The following USP15 variants were observed in gnomAD, a reference collection of about 807,000 sequenced individuals.
The protein encoded by USP15 is ubiquitin carboxyl-terminal hydrolase 15.
USP15 carries 18 observed loss-of-function variants against 127.1 expected under a neutral mutation model. The observed-to-expected ratio is 0.14, with a 90% CI of 0.10 to 0.21. USP15 has a LOEUF of 0.21. Among genes scored for constraint, USP15 ranks in the 10% least tolerant of loss-of-function variants. USP15 has a pLI of 1.00. For missense variants in USP15, 805 were observed against 1,159.9 expected (o/e 0.69, Z 4.44); for synonymous variants, 364 against 393.7 (o/e 0.92, Z 0.89).
At chr12:62,368,049 C>T (rs1348747725) in intron 8 of USP15, among the ~76,000 whole-genome samples, 1 of 152,096 alleles carries the variant, frequency 6.6e-6, no homozygotes, top group Non-Finnish European at 1.5e-5. Flanking sequence ...TTTATTTCTG[C>T]CTTCATTTCA....
chr12:62,364,318 C>G (rs2137490657), intron 8 of USP15, among the ~76,000 whole-genome samples: 1 of 152,224 alleles, frequency 6.6e-6, no homozygotes, highest in South Asian at 2.1e-4. Context: ...AAGAAGATTG[C>G]TCAGCAGTAT....
intron 18 of USP15, 125 bp downstream of exon 18, chr12:62,392,512 TTA>T: frequency 1.5e-6 from 1 of 676,092 alleles, no homozygotes; most frequent in South Asian, 2.3e-5. Flanking sequence ...AAAGGATTCT[TTA>T]TATAAGTTGT....
Position 62,298,433 on chromosome 12 carries a change from G to A in USP15, c.217+4127G>A, listed in dbSNP as rs146972928. On this transcript the variant is annotated intron_variant, in intron 2 of 21. Coordinates refer to ENST00000280377, the MANE Select transcript of USP15 (RefSeq NM_001252078.2). ...TGTAATCCCAGCACTTTGGGAGGCCGAGGCAGGAGGATCACAAGGTCAAGA... is the reference window on the plus strand; with the variant it reads ...TGTAATCCCAGCACTTTGGGAGGCCAAGGCAGGAGGATCACAAGGTCAAGA... Among the ~76,000 whole-genome samples the A allele has an allele frequency of 3.2e-3, 486 of 152,206 alleles. 1 individual carries two copies. The highest frequency in any genetic ancestry group is 9.9e-3 in the African/African-American group (412 of 41,520).
At chr12:62,294,112 T>C (rs2064057960) in intron 1 of USP15, 67 bp from the exon 2 acceptor site, 1 of 1,520,728 alleles carries the variant, frequency 6.6e-7, no homozygotes, top group Non-Finnish European at 8.9e-7. Flanking sequence ...TATCAAAAAA[T>C]AGATGGCTGT....
chr12:62,384,664 A>G (rs1046263024), intron 11 of USP15, among the ~76,000 whole-genome samples: 29 of 151,432 alleles, frequency 1.9e-4, no homozygotes, highest in Admixed American at 1.3e-4. Context: ...ACTAGTGGCT[A>G]TTGGAAGTAA....
intron 1 of USP15, among the ~76,000 whole-genome samples, chr12:62,286,392 A>C (rs182144320): frequency 1.3e-5 from 2 of 152,344 alleles, no homozygotes; most frequent in East Asian, 3.9e-4. Flanking sequence ...GCAAGATTGC[A>C]GAGAAAAGGG....
At chr12:62,392,533 A>AAAT (rs1185333400) in intron 18 of USP15, 146 bp downstream of exon 18, 5 of 580,514 alleles carry the variant, frequency 8.6e-6, no homozygotes. Context: ...GTAGCCTATT[A>AAAT]AGAGGGATGG....
chr12:62,404,467 G>C lies in USP15; in HGVS notation c.*92G>C. On this transcript the variant is annotated 3_prime_UTR_variant, in exon 22 of 22. Transcript: ENST00000280377. ...ACCCACCACATTAAAACAAAAGTCT[G>C]AGATGGGGAGTTTCAGATAACCGAA... The C allele has an allele frequency of 7.1e-7, 1 of 1,411,732 alleles. No individual in the cohort carries two copies. The highest frequency in any genetic ancestry group is 2.6e-5 in the East Asian group (1 of 38,810). The allele number at this position is 1,411,732 out of a possible 1,614,324, so 87.5% of individuals were successfully genotyped here.
At chr12:62,355,502 T>G (rs373717818) in intron 8 of USP15, 27 bp downstream of exon 8, 33 of 1,558,524 alleles carry the variant, frequency 2.1e-5, no homozygotes, top group South Asian at 7.2e-5. Context: ...AAAATGAAAC[T>G]CATGTTTCAT....
intron 6 of USP15, among the ~76,000 whole-genome samples, chr12:62,342,272 G>A (rs2065669703): frequency 6.6e-6 from 1 of 152,046 alleles, no homozygotes; most frequent in Non-Finnish European, 1.5e-5. Flanking sequence ...GGCCATTTAT[G>A]TTCCTCGCTA....
intron 6 of USP15, among the ~76,000 whole-genome samples, chr12:62,327,174 C>G (rs1300845649): frequency 6.6e-6 from 1 of 151,588 alleles, no homozygotes; most frequent in Non-Finnish European, 1.5e-5. Context: ...CTACAATGTA[C>G]CTTTTATAAG....
chr12:62,267,350 G>T (rs1034726596), intron 1 of USP15: 3 of 151,928 alleles, frequency 2.0e-5, no homozygotes, highest in Non-Finnish European at 4.4e-5. Context: ...CCTCAGTTTT[G>T]GATACAGATT....
At chr12:62,354,704 A>C (rs1439584339) in intron 7 of USP15, among the ~76,000 whole-genome samples, 1 of 151,972 alleles carries the variant, frequency 6.6e-6, no homozygotes, top group Admixed American at 6.6e-5. Context: ...TGAGAAACCA[A>C]AAGAAAGAAA....
intron 8 of USP15, chr12:62,374,334 A>G: frequency 3.1e-6 from 3 of 964,376 alleles, no homozygotes; most frequent in Non-Finnish European, 3.7e-6. Context: ...AATGAGTTAC[A>G]CAACTCAAAA....
At chr12:62,325,140 G>A (rs1379293590) in intron 5 of USP15, among the ~76,000 whole-genome samples, 1 of 151,890 alleles carries the variant, frequency 6.6e-6, no homozygotes, top group Non-Finnish European at 1.5e-5. Flanking sequence ...GCAAAAACTA[G>A]AAAGACTTAT....
intron 1 of USP15, among the ~76,000 whole-genome samples, chr12:62,275,790 T>G (rs1369804642): frequency 6.6e-6 from 1 of 152,024 alleles, no homozygotes; most frequent in African/African-American, 2.4e-5. Flanking sequence ...GGGAATCAGG[T>G]AAGATTCAGG....
Position 62,383,992 on chromosome 12 carries a change from A to G in USP15, c.1242A>G (p.Pro414=), listed in dbSNP as rs574065431. 1.9e-6 allele frequency: 3 copies of G among 1,611,940 alleles called. No individual in the cohort carries two copies. Among genetic ancestry groups the G allele is most frequent in the Non-Finnish European group, 1.7e-6 (2 of 1,178,886 alleles). ...YIQLKDADGR[P]DKVVAEEAWE... ...AATTAAAAGATGCAGATGGAAGGCC[A>G]GATAAGGTAAATTTCATGATCCTAT... Residue 414 remains proline (P), a synonymous_variant, in exon 10 of 22, where the codon CCA becomes CCG. Coordinates refer to ENST00000280377, the MANE Select transcript of USP15 (RefSeq NM_001252078.2).
intron 8 of USP15, among the ~76,000 whole-genome samples, chr12:62,377,891 G>T (rs2066879271): frequency 6.6e-6 from 1 of 151,884 alleles, no homozygotes; most frequent in African/African-American, 2.4e-5. Context: ...ATTTTAACCG[G>T]TCTTTATGCT....
At position 62,408,441 on chromosome 12, in the gene USP15, A is replaced by T. The variant is rs1167072072; in HGVS notation, c.*4066A>T. The T allele has an allele frequency of 6.6e-6, 1 of 152,158 alleles. No homozygotes were observed. Among genetic ancestry groups the T allele is most frequent in the African/African-American group, 2.4e-5 (1 of 41,450 alleles). The allele number at this position is 152,158 out of a possible 1,614,324, so 9.4% of individuals were successfully genotyped here. ...TCTTGAATCATAGACTAGGGGAAGG[A>T]ACCAGAGGTCCTCTAAAATATCAGA... On this transcript the variant is annotated 3_prime_UTR_variant, in exon 22 of 22. Transcript: ENST00000280377.
Sources: gnomAD v4.1 joint callset for allele counts (sites outside exome capture counted in the v4.1 genomes callset) on GRCh38, gnomAD v4.1.1 for gene constraint, MANE v1.5 for transcripts, NCBI Gene and HGNC (gene_info 2026-07-23, HGNC 2026-07-21) for gene names.